Variants in CTNNBL1 observed in about 807,000 individuals in gnomAD.
CTNNBL1 encodes the protein catenin beta like 1.
Under a neutral mutation model 72.7 loss-of-function variants are expected in CTNNBL1, and 31 were observed. The ratio of observed to expected loss-of-function variants is 0.43; its 90% CI spans 0.32 to 0.58. The LOEUF is 0.58. CTNNBL1 is among the 20% of genes least tolerant of loss of function. The probability of loss-of-function intolerance (pLI) is 0.08; values close to 1 mark genes in which losing one functional copy is unlikely to be tolerated. For synonymous variants in CTNNBL1, 240 were observed against 267.3 expected (o/e 0.90, Z 1.00); for missense variants, 534 against 725.1 (o/e 0.74, Z 3.03).
chr20:37,716,620 A>G (rs1401911801), intron 1 of CTNNBL1, among the ~76,000 whole-genome samples: 1 of 152,244 alleles, frequency 6.6e-6, no homozygotes, highest in African/African-American at 2.4e-5. Context: ...AAAAGCAGAC[A>G]TGAAACCATA....
At chr20:37,735,357 G>T (rs62208405) in intron 2 of CTNNBL1, among the ~76,000 whole-genome samples, 5,000 of 152,296 alleles carry the variant, frequency 0.033, 109 homozygotes, top group Non-Finnish European at 0.051. Flanking sequence ...TTTGGGGTTG[G>T]AGAGATTATC....
intron 5 of CTNNBL1, among the ~76,000 whole-genome samples, chr20:37,762,596 C>G (rs1348393732): frequency 1.3e-5 from 2 of 152,130 alleles, no homozygotes; most frequent in Non-Finnish European, 2.9e-5. Flanking sequence ...TGCTTTAATC[C>G]CTAAGCAGGA....
At chr20:37,726,268 G>A (rs551834932) in intron 1 of CTNNBL1, among the ~76,000 whole-genome samples, 25 of 152,110 alleles carry the variant, frequency 1.6e-4, no homozygotes, top group Non-Finnish European at 3.5e-4. Flanking sequence ...GTTGATGGTC[G>A]TTTCTAGTTA....
At chr20:37,819,872 CTTTTTT>C (rs368562087) in intron 11 of CTNNBL1, among the ~76,000 whole-genome samples, 1 of 121,222 alleles carries the variant, frequency 8.2e-6, no homozygotes. Flanking sequence ...CTTTTAATAT[CTTTTTT>C]TTTTTTTTTT....
Position 37,732,264 on chromosome 20 carries a change from C to T in CTNNBL1, c.31-615C>T, listed in dbSNP as rs114823492. 4.1e-3 allele frequency among the ~76,000 whole-genome samples: 630 copies of T among 152,316 alleles called. 5 individuals are homozygous for T. The highest frequency in any genetic ancestry group is 0.014 in the African/African-American group (598 of 41,564). ...CCCAGGCTCTGGGCCTTACTCAACT[C>T]TTCTGTAAAATAGAATTGGGAGTAC... is the stretch of plus-strand genomic sequence containing the variant. On this transcript the variant is annotated intron_variant, in intron 1 of 15. Transcript: ENST00000361383.
chr20:37,732,485 C>T (rs2073137912), intron 1 of CTNNBL1, among the ~76,000 whole-genome samples: 2 of 152,082 alleles, frequency 1.3e-5, no homozygotes, highest in African/African-American at 2.4e-5. Context: ...TTGCTATTTC[C>T]GTATACATAG....
At chr20:37,704,548 C>CAAAAAA (rs954593018) in intron 1 of CTNNBL1, among the ~76,000 whole-genome samples, 1 of 141,644 alleles carries the variant, frequency 7.1e-6, no homozygotes. Context: ...GACATCGTCT[C>CAAAAAA]AAAAAAAAAA....
intron 15 of CTNNBL1, among the ~76,000 whole-genome samples, chr20:37,861,569 CAG>C (rs1755990148): frequency 6.6e-6 from 1 of 152,240 alleles, no homozygotes; most frequent in Admixed American, 6.5e-5. Context: ...TAGATTTACT[CAG>C]AGAGCTTACC....
rs6013038 is a variant in CTNNBL1 at position 37,775,029 on chromosome 20, A to G, written c.751-2316A>G. Among the ~76,000 whole-genome samples, 495 of 152,264 alleles carry G rather than the reference A, an allele frequency of 3.3e-3. 7 individuals are homozygous for G. Among genetic ancestry groups the G allele is most frequent in the African/African-American group, 0.011 (446 of 41,548 alleles). ...TCATAGATTCCCATTGTCAGCTTAC[A>G]GCATTCTTAGTGTCTCAGTAATTCT... On this transcript the variant is annotated intron_variant, in intron 7 of 15. Transcript: ENST00000361383.
intron 1 of CTNNBL1, among the ~76,000 whole-genome samples, chr20:37,701,216 A>G (rs1355155263): frequency 6.6e-6 from 1 of 152,156 alleles, no homozygotes; most frequent in African/African-American, 2.4e-5. Flanking sequence ...TAATATTTGC[A>G]TACTTTTTGC....
intron 13 of CTNNBL1, among the ~76,000 whole-genome samples, chr20:37,853,555 T>G (rs1358695474): frequency 6.6e-6 from 1 of 152,212 alleles, no homozygotes; most frequent in African/African-American, 2.4e-5. Flanking sequence ...AGGAATCATC[T>G]CGAGTCCTTA....
At chr20:37,803,898 G>T (rs1427776340) in intron 11 of CTNNBL1, among the ~76,000 whole-genome samples, 1 of 152,012 alleles carries the variant, frequency 6.6e-6, no homozygotes, top group East Asian at 1.9e-4. Context: ...ATTGGCATGG[G>T]TATCTGCAGG....
chr20:37,808,315 C>T (rs1344639220), intron 11 of CTNNBL1, among the ~76,000 whole-genome samples: 1 of 152,194 alleles, frequency 6.6e-6, no homozygotes, highest in Non-Finnish European at 1.5e-5. Flanking sequence ...AGAGCTCCCA[C>T]GCCGCCTCCT....
intron 11 of CTNNBL1, among the ~76,000 whole-genome samples, chr20:37,817,503 G>A (rs1363112201): frequency 2.0e-5 from 3 of 152,182 alleles, no homozygotes; most frequent in Non-Finnish European, 2.9e-5. Context: ...AGGGTGGTGG[G>A]AAATACACAG....
At chr20:37,852,157 A>G (rs1199612216) in intron 13 of CTNNBL1, among the ~76,000 whole-genome samples, 1 of 152,018 alleles carries the variant, frequency 6.6e-6, no homozygotes, top group Non-Finnish European at 1.5e-5. Context: ...TTTGTGGAAG[A>G]CTCCCTTTAA....
intron 1 of CTNNBL1, among the ~76,000 whole-genome samples, chr20:37,718,692 C>G (rs2073015322): frequency 6.6e-6 from 1 of 152,328 alleles, no homozygotes; most frequent in East Asian, 1.9e-4. Context: ...TCCATTTAGA[C>G]AGATGACACT....
At position 37,767,991 on chromosome 20, in the gene CTNNBL1, T is replaced by C. The variant is rs138624289; in HGVS notation, c.697T>C (p.Cys233Arg). 1.4e-5 allele frequency: 22 copies of C among 1,613,900 alleles called. No homozygotes were observed. The highest frequency in any genetic ancestry group is 1.8e-5 in the Non-Finnish European group (21 of 1,179,952). Residue 233 changes from cysteine (C) to arginine (R), a missense_variant, in exon 7 of 16, where the codon TGT becomes CGT. Cys to Arg is a radical substitution (Grantham distance 180, BLOSUM62 -3). Transcript: ENST00000361383. The stretch of plus-strand genomic sequence containing the variant: ...CATGGCTGAGTTCCGGCCTGAGATG[T>C]GTACAGAGGGTGCCCAGCAGGGTCT... ...ENMAEFRPEM[C>R]TEGAQQGLLQ...
intron 10 of CTNNBL1, among the ~76,000 whole-genome samples, chr20:37,780,700 G>A (rs2073618193): frequency 6.6e-6 from 1 of 152,074 alleles, no homozygotes; most frequent in African/African-American, 2.4e-5. Context: ...CCATTTTTGT[G>A]TTTAAAATGA....
chr20:37,697,763 C>T (rs1012908296), intron 1 of CTNNBL1, among the ~76,000 whole-genome samples: 1 of 152,212 alleles, frequency 6.6e-6, no homozygotes, highest in Admixed American at 6.5e-5. Flanking sequence ...CACATCTTAC[C>T]ACATTTAATC....
Sources: gnomAD v4.1 joint callset for allele counts (sites outside exome capture counted in the v4.1 genomes callset) on GRCh38, gnomAD v4.1.1 for gene constraint, MANE v1.5 for transcripts, NCBI Gene and HGNC (gene_info 2026-07-23, HGNC 2026-07-21) for gene names.